The following PTPN4 variants were observed in gnomAD, a reference collection of about 807,000 sequenced individuals.
PTPN4 encodes the protein protein tyrosine phosphatase non-receptor type 4, also known as tyrosine-protein phosphatase non-receptor type 4.
Under a neutral mutation model 135.5 loss-of-function variants are expected in PTPN4, and 49 were observed. The observed-to-expected ratio is 0.36, with a 90% CI of 0.29 to 0.46. PTPN4 has a LOEUF of 0.46. Among genes scored for constraint, PTPN4 ranks in the 20% least tolerant of loss-of-function variants. PTPN4 has a pLI of 1.00. For missense variants in PTPN4, 860 were observed against 1,101.0 expected (o/e 0.78, Z 3.10); for synonymous variants, 333 against 369.9 (o/e 0.90, Z 1.14).
chr2:119,765,454 T>G lies in PTPN4; in HGVS notation c.-18+5070T>G, dbSNP rs536192936. Among the ~76,000 whole-genome samples, 272 of 152,348 alleles carry G rather than the reference T, an allele frequency of 1.8e-3. 1 individual carries two copies. The highest frequency in any genetic ancestry group is 6.8e-3 in the Middle Eastern group (2 of 294). On this transcript the variant is annotated intron_variant, in intron 1 of 26. Transcript: ENST00000263708. Reference sequence around the variant, plus strand: ...CAGATCTCTCTCTTACAGAAGTACCTACAGTGGTTGTTCTTGTTTTGGGAA... The same window carrying G: ...CAGATCTCTCTCTTACAGAAGTACCGACAGTGGTTGTTCTTGTTTTGGGAA...
At chr2:119,835,913 CA>C (rs1430579774) in intron 2 of PTPN4, among the ~76,000 whole-genome samples, 1 of 151,652 alleles carries the variant, frequency 6.6e-6, no homozygotes, top group Non-Finnish European at 1.5e-5. Flanking sequence ...ACTAAAAATA[CA>C]AAAAATTAGC....
chr2:119,768,456 G>C (rs1186972016), intron 1 of PTPN4, among the ~76,000 whole-genome samples: 3 of 152,152 alleles, frequency 2.0e-5, no homozygotes, highest in African/African-American at 7.2e-5. Flanking sequence ...ATAGAGCTAG[G>C]AAATACATAT....
At chr2:119,967,786 A>C (rs1311081116) in intron 25 of PTPN4, 51 bp from the exon 26 acceptor site, 17 of 1,420,146 alleles carry the variant, frequency 1.2e-5, no homozygotes, top group Admixed American at 2.3e-5. Context: ...AGCCACAAGT[A>C]GTTTAACAGA....
chr2:119,977,842 G>A lies in PTPN4; in HGVS notation c.*772G>A, dbSNP rs748135369. 6.6e-6 allele frequency: 1 copy of A among 152,166 alleles called. No homozygotes were observed. The highest frequency in any genetic ancestry group is 1.5e-5 in the Non-Finnish European group (1 of 68,030). The allele number at this position is 152,166 out of a possible 1,614,324, so 9.4% of individuals were successfully genotyped here. On this transcript the variant is annotated 3_prime_UTR_variant, in exon 27 of 27. Transcript: ENST00000263708. ...CCCTTAAGTGCCTTGAGACGTCCTT[G>A]TATGTCTAACGAAAAGGCACTCATT...
chr2:119,887,364 G>A (rs575441746), intron 9 of PTPN4, among the ~76,000 whole-genome samples: 6 of 152,212 alleles, frequency 3.9e-5, no homozygotes, highest in Admixed American at 1.3e-4. Flanking sequence ...GTGCATGCCT[G>A]TAGTCCCAGC....
At chr2:119,823,866 T>C (rs934134830) in intron 2 of PTPN4, among the ~76,000 whole-genome samples, 5 of 152,250 alleles carry the variant, frequency 3.3e-5, no homozygotes, top group Non-Finnish European at 5.9e-5. Flanking sequence ...CTTCTGCTAT[T>C]GTTTTATGGT....
chr2:119,845,666 T>G (rs1481503374), intron 2 of PTPN4, among the ~76,000 whole-genome samples: 2 of 152,184 alleles, frequency 1.3e-5, no homozygotes, highest in Non-Finnish European at 2.9e-5. Context: ...CTCAAAAAAC[T>G]AACTTTCGGT....
At chr2:119,878,868 C>A (rs778061350) in intron 5 of PTPN4, among the ~76,000 whole-genome samples, 1 of 151,426 alleles carries the variant, frequency 6.6e-6, no homozygotes, top group Non-Finnish European at 1.5e-5. Flanking sequence ...CCAAGGTGGG[C>A]GGATCACGAG....
At chr2:119,766,964 T>C (rs1690641121) in intron 1 of PTPN4, among the ~76,000 whole-genome samples, 1 of 152,222 alleles carries the variant, frequency 6.6e-6, no homozygotes, top group South Asian at 2.1e-4. Context: ...GGTATTTTGC[T>C]AGACAGCGAA....
rs924557483 is a variant in PTPN4 at position 119,808,586 on chromosome 2, T to C, written c.-17-1251T>C. On this transcript the variant is annotated intron_variant, in intron 1 of 26. Transcript: ENST00000263708. ...ACGATGTAAAAGAGGCCCAGCTAAT[T>C]TTTAAAACATTCTTTTTTGTAGAAA... 1.1e-4 allele frequency among the ~76,000 whole-genome samples: 16 copies of C among 152,174 alleles called. No homozygotes were observed. The East Asian group carries it at 3.1e-3, about 29-fold the overall frequency.
chr2:119,829,113 G>C (rs143140553), intron 2 of PTPN4, among the ~76,000 whole-genome samples: 2 of 152,030 alleles, frequency 1.3e-5, no homozygotes, highest in Admixed American at 6.5e-5. Flanking sequence ...CTCTTTCTGT[G>C]GTTTGTCAGT....
At chr2:119,901,886 G>T (rs766023212) in intron 10 of PTPN4, among the ~76,000 whole-genome samples, 1 of 152,152 alleles carries the variant, frequency 6.6e-6, no homozygotes, top group Non-Finnish European at 1.5e-5. Context: ...AGAAAAAAAT[G>T]AGTGAGCTTG....
chr2:119,934,681 A>C (rs1206327125), intron 14 of PTPN4, 119 bp from the exon 15 acceptor site: 1 of 941,684 alleles, frequency 1.1e-6, no homozygotes, highest in African/African-American at 1.7e-5. Context: ...GAGATTGCTT[A>C]GTCAACATGG....
In PTPN4 at chr2:119,812,836, T is replaced by C. The variant is rs1480512893; in HGVS notation, c.138+2845T>C. On this transcript the variant is annotated intron_variant, in intron 2 of 26. Transcript: ENST00000263708. ...TGCATAGTGTCCGTACTACATGGATTGATGTCTTCAATCTATGAGGATTTT... is the reference window on the plus strand; with the variant it reads ...TGCATAGTGTCCGTACTACATGGATCGATGTCTTCAATCTATGAGGATTTT... 5.3e-5 allele frequency among the ~76,000 whole-genome samples: 8 copies of C among 152,226 alleles called. No homozygotes were observed. In the East Asian group the frequency reaches 1.3e-3, roughly 26 times the overall value.
intron 2 of PTPN4, among the ~76,000 whole-genome samples, chr2:119,812,585 G>A (rs180999937): frequency 3.9e-5 from 6 of 152,278 alleles, no homozygotes; most frequent in African/African-American, 1.4e-4. Context: ...TGATAAGCCT[G>A]TTATCACTGG....
intron 13 of PTPN4, among the ~76,000 whole-genome samples, chr2:119,928,034 A>T (rs1341761773): frequency 6.6e-6 from 1 of 152,188 alleles, no homozygotes; most frequent in Non-Finnish European, 1.5e-5. Context: ...TTTTAAAAAA[A>T]TTTTGATACT....
intron 1 of PTPN4, among the ~76,000 whole-genome samples, chr2:119,800,585 TTTG>T (rs1558729733): frequency 2.6e-5 from 4 of 152,080 alleles, no homozygotes; most frequent in East Asian, 1.9e-4. Context: ...ATTTGTCTTT[TTTG>T]TTGTTGTTTT....
chr2:119,911,495 G>A (rs146783771), intron 10 of PTPN4, among the ~76,000 whole-genome samples: 1 of 151,894 alleles, frequency 6.6e-6, no homozygotes, highest in African/African-American at 2.4e-5. Context: ...TAAATACAAG[G>A]CACTTTCTAT....
At chr2:119,858,866 C>A (rs1677719300) in intron 2 of PTPN4, among the ~76,000 whole-genome samples, 1 of 152,028 alleles carries the variant, frequency 6.6e-6, no homozygotes. Flanking sequence ...GATCTCCTGA[C>A]CTCGTAATCT....
Sources: gnomAD v4.1 joint callset for allele counts (sites outside exome capture counted in the v4.1 genomes callset) on GRCh38, gnomAD v4.1.1 for gene constraint, MANE v1.5 for transcripts, NCBI Gene and HGNC (gene_info 2026-07-23, HGNC 2026-07-21) for gene names.